HUWE1: variants seen among roughly 807,000 people sequenced by gnomAD.
HUWE1 encodes E3 ubiquitin-protein ligase HUWE1.
HUWE1 carries 18 observed loss-of-function variants against 299.4 expected under a neutral mutation model. The ratio of observed to expected loss-of-function variants is 0.06; its 90% CI spans 0.04 to 0.09. HUWE1 has a LOEUF of 0.09. Ranked by LOEUF, HUWE1 falls within the 10% of genes least tolerant of loss-of-function variation. HUWE1 has a pLI of 1.00. For synonymous variants in HUWE1, 1,317 were observed against 1,286.1 expected, an observed-to-expected ratio of 1.02 and a Z score of -0.51; for missense variants, 1,832 against 3,462.3, an observed-to-expected ratio of 0.53 and a Z score of 11.82.
intron 25 of HUWE1, among the ~76,000 whole-genome samples, chrX:53,606,483 T>C (rs914922696): frequency 3.6e-5 from 4 of 111,329 alleles, no homozygotes; most frequent in African/African-American, 1.3e-4. Flanking sequence ...TGTGGGAAAA[T>C]TAGAATTAAA....
chrX:53,618,936 C>T (rs1165977131), intron 19 of HUWE1, among the ~76,000 whole-genome samples: 1 of 110,333 alleles, frequency 9.1e-6, no homozygotes, highest in Non-Finnish European at 1.9e-5. Context: ...TTTTATTAAA[C>T]CTTCTAGGAA....
At chrX:53,653,455 T>C (rs1332449314) in intron 4 of HUWE1, among the ~76,000 whole-genome samples, 3 of 110,715 alleles carry the variant, frequency 2.7e-5, no homozygotes, top group Non-Finnish European at 5.7e-5. Context: ...GCACAAGGGG[T>C]CAACAGGACT....
chrX:53,616,848 G>A (rs2065833005), intron 21 of HUWE1, 122 bp downstream of exon 21: 1 of 533,553 alleles, frequency 1.9e-6, no homozygotes, highest in Admixed American at 3.5e-5. Context: ...TAGAATGTAT[G>A]ATGATAATTC....
At position 53,548,282 on chromosome X, in the gene HUWE1, A is replaced by T. The variant is rs1569423486; in HGVS notation, c.10036-9T>A. The T allele has an allele frequency of 1.7e-6, 2 of 1,205,218 alleles. No individual in the cohort carries two copies. The highest frequency in any genetic ancestry group is 2.2e-6 in the Non-Finnish European group (2 of 892,298). The stretch of plus-strand genomic sequence containing the variant: ...AAGTGGCTGGGAAATACCTGCCGGG[A>T]AAAGGAGGACAAGGCTTGGTCTAGG... On this transcript the variant is annotated splice_polypyrimidine_tract_variant and intron_variant, in intron 67 of 83. Coordinates refer to ENST00000262854, the MANE Select transcript of HUWE1 (RefSeq NM_031407.7).
intron 7 of HUWE1, among the ~76,000 whole-genome samples, chrX:53,642,438 G>C (rs1452639736): frequency 8.9e-6 from 1 of 112,114 alleles, no homozygotes; most frequent in Non-Finnish European, 1.9e-5. Flanking sequence ...TCCATAGTGT[G>C]CATGTGCCAC....
At chrX:53,671,695 A>G (rs1442175844) in intron 3 of HUWE1, among the ~76,000 whole-genome samples, 1 of 103,990 alleles carries the variant, frequency 9.6e-6, no homozygotes, top group African/African-American at 3.5e-5. Context: ...CAAAAGGCTG[A>G]GGCAGGAGAA....
intron 31 of HUWE1, among the ~76,000 whole-genome samples, chrX:53,593,977 G>C (rs2064308513): frequency 9.0e-6 from 1 of 110,528 alleles, no homozygotes; most frequent in Non-Finnish European, 1.9e-5. Context: ...GGCGCCTGTA[G>C]TCCCAGCTAC....
chrX:53,625,889 G>A (rs1186527062), intron 17 of HUWE1: 8 of 326,394 alleles, frequency 2.5e-5, no homozygotes, highest in Non-Finnish European at 4.2e-5. Context: ...GGCCAGGGCC[G>A]GTGCCGGGGC....
rs2063129512 is a variant in HUWE1, at chrX:53,576,811, G to A, written c.5884+89C>T. 23 of 898,760 alleles carry A rather than the reference G, an allele frequency of 2.6e-5. No homozygotes were observed. In the South Asian group the frequency reaches 4.3e-4, roughly 17 times the overall value. The allele number at this position is 898,760 out of a possible 1,213,427, so 74.1% of individuals were successfully genotyped here. A position where few individuals can be genotyped will look rare whatever the true frequency, so the allele number is the denominator to read the frequency against. On this transcript the variant is annotated intron_variant, in intron 44 of 83. Transcript: ENST00000262854. The stretch of plus-strand genomic sequence containing the variant: ...CCCAGAGTATGGGCACATAGTGAGT[G>A]CTCACTAAGCCATGAGTTGGCTGAA...
At chrX:53,650,749 T>C (rs2068407082) in intron 4 of HUWE1, among the ~76,000 whole-genome samples, 1 of 111,508 alleles carries the variant, frequency 9.0e-6, no homozygotes, top group South Asian at 3.8e-4. Flanking sequence ...TTGACCACAG[T>C]ATGGGAAATG....
At chrX:53,660,109 G>A (rs1316749448) in intron 3 of HUWE1, among the ~76,000 whole-genome samples, 2 of 111,748 alleles carry the variant, frequency 1.8e-5, no homozygotes, top group Non-Finnish European at 3.8e-5. Context: ...ATAGCTCACA[G>A]AACTGACAGA....
intron 28 of HUWE1, among the ~76,000 whole-genome samples, 188 bp from the exon 29 acceptor site, chrX:53,600,497 T>A (rs981180874): frequency 8.9e-6 from 1 of 112,557 alleles, no homozygotes; most frequent in Non-Finnish European, 1.9e-5. Context: ...TCTAAGTACC[T>A]AATGCTGACA....
rs188265683 is a variant in HUWE1 at position 53,592,674 on chromosome X, C to G, written c.3742-46G>C. The G allele has an allele frequency of 5.8e-3, 5,449 of 943,968 alleles. 24 individuals carry two copies. The highest frequency in any genetic ancestry group is 0.028 in the Middle Eastern group (107 of 3,822). The allele number at this position is 943,968 out of a possible 1,213,427, so 77.8% of individuals were successfully genotyped here. A position where few individuals can be genotyped will look rare whatever the true frequency, so the allele number is the denominator to read the frequency against. On this transcript the variant is annotated intron_variant, in intron 32 of 83. Coordinates refer to ENST00000262854, the MANE Select transcript of HUWE1 (RefSeq NM_031407.7). ...GTGTGAAAATCATTTTGCTTCAATT[C>G]AAAGCTCAGAAGGATTAAGTTAAAG...
At chrX:53,550,186 A>G (rs937612789) in intron 66 of HUWE1, among the ~76,000 whole-genome samples, 2 of 111,755 alleles carry the variant, frequency 1.8e-5, no homozygotes, top group Non-Finnish European at 3.8e-5. Context: ...AAATCTGACC[A>G]TACCTAAGTC....
chrX:53,568,632 C>T, intron 49 of HUWE1, 60 bp downstream of exon 49: 2 of 1,095,796 alleles, frequency 1.8e-6, no homozygotes, highest in Non-Finnish European at 2.5e-6. Flanking sequence ...GCTACCTCCA[C>T]ATCATTCGTG....
chrX:53,549,582 G>A (rs1223550957), intron 66 of HUWE1, 77 bp from the exon 67 acceptor site: 1 of 878,825 alleles, frequency 1.1e-6, no homozygotes, highest in Non-Finnish European at 1.6e-6. Context: ...TGGGGGAGGG[G>A]AATGAGCTAG....
chrX:53,547,657 C>T lies in HUWE1; in HGVS notation c.10636+16G>A, dbSNP rs1556924095. 1.7e-6 allele frequency: 2 copies of T among 1,208,103 alleles called. No homozygotes were observed. The highest frequency in any genetic ancestry group is 3.5e-5 in the African/African-American group (2 of 57,175). On this transcript the variant is annotated intron_variant, in intron 68 of 83. Transcript: ENST00000262854. Reference sequence around the variant, plus strand: ...CAGTATATACCCCACAGCTCCCAGTCTACATCCACACTTACTTGAAACAGT... The same window carrying T: ...CAGTATATACCCCACAGCTCCCAGTTTACATCCACACTTACTTGAAACAGT...
chrX:53,546,206 G>A (rs1166502503), intron 70 of HUWE1, among the ~76,000 whole-genome samples: 1 of 110,907 alleles, frequency 9.0e-6, no homozygotes, highest in Non-Finnish European at 1.9e-5. Flanking sequence ...ACTGTGTGCC[G>A]GGCAGCGGGG....
intron 3 of HUWE1, among the ~76,000 whole-genome samples, chrX:53,678,966 G>A (rs1437392937): frequency 1.8e-5 from 2 of 111,531 alleles, no homozygotes; most frequent in Non-Finnish European, 3.8e-5. Context: ...AGGAATCCAT[G>A]ACTAGTTATT....
Sources: gnomAD v4.1 joint callset for allele counts (sites outside exome capture counted in the v4.1 genomes callset) on GRCh38, gnomAD v4.1.1 for gene constraint, MANE v1.5 for transcripts, NCBI Gene and HGNC (gene_info 2026-07-23, HGNC 2026-07-21) for gene names.